The following RPS6KC1 variants were observed in gnomAD, a reference collection of about 807,000 sequenced individuals.
RPS6KC1 encodes inactive ribosomal protein S6 kinase delta-1.
In RPS6KC1, 54 loss-of-function variants were observed where a neutral mutation model predicts 103.8. The observed-to-expected ratio is 0.52, with a 90% confidence interval of 0.42 to 0.65. RPS6KC1 has a LOEUF of 0.65. Ranked by LOEUF, RPS6KC1 falls within the 30% of genes least tolerant of loss-of-function variation. The pLI is 0.00. For missense variants in RPS6KC1, 1,151 were observed against 1,253.8 expected (o/e 0.92, Z 1.24); for synonymous variants, 439 against 438.7 (o/e 1.00, Z -0.01).
the RPS6KC1 span, among the ~76,000 whole-genome samples, chr1:213,420,465 G>A: frequency 3.9e-5 from 6 of 152,198 alleles, no homozygotes; most frequent in Admixed American, 6.5e-5. Flanking sequence ...CGGCCCTGAA[G>A]CTCCAACAAT....
At chr1:213,544,690 G>A in the RPS6KC1 span, among the ~76,000 whole-genome samples, 1 of 152,174 alleles carries the variant, frequency 6.6e-6, no homozygotes, top group Non-Finnish European at 1.5e-5. Flanking sequence ...TCTCATGGTG[G>A]CCCTTTCCTC....
the RPS6KC1 span, among the ~76,000 whole-genome samples, chr1:213,805,555 G>A: frequency 1.3e-5 from 2 of 152,108 alleles, no homozygotes; most frequent in African/African-American, 4.8e-5. Flanking sequence ...CCCATCTTCA[G>A]GTTCCACTTC....
At chr1:213,618,447 C>A in the RPS6KC1 span, among the ~76,000 whole-genome samples, 13 of 152,140 alleles carry the variant, frequency 8.5e-5, no homozygotes, top group Admixed American at 7.9e-4. Flanking sequence ...TACTTACTGA[C>A]CCTGTGACTT....
chr1:213,069,448 T>C (rs2078667756), intron 1 of RPS6KC1, among the ~76,000 whole-genome samples: 1 of 152,224 alleles, frequency 6.6e-6, no homozygotes, highest in Admixed American at 6.5e-5. Context: ...GCCAGGCAGT[T>C]AGTATTATCT....
Position 213,129,901 on chromosome 1 carries a change from T to G in RPS6KC1, c.835+12T>G. 2 of 1,563,438 alleles carry G rather than the reference T, an allele frequency of 1.3e-6. No individual in the cohort carries two copies. Among genetic ancestry groups the G allele is most frequent in the Non-Finnish European group, 1.7e-6 (2 of 1,164,432 alleles). ...AGAAGGTGTTCAAGGTATGGTTTTA[T>G]GTATATTATGTTTTGGCATGCTCTT... On this transcript the variant is annotated intron_variant, in intron 6 of 14. Coordinates refer to ENST00000366960, the MANE Select transcript of RPS6KC1 (RefSeq NM_012424.6).
the RPS6KC1 span, among the ~76,000 whole-genome samples, chr1:213,595,184 GCCA>G: frequency 6.6e-6 from 1 of 152,088 alleles, no homozygotes; most frequent in Non-Finnish European, 1.5e-5. Flanking sequence ...CAAGGTAAAC[GCCA>G]CCATTATCTG....
chr1:213,744,124 G>C, the RPS6KC1 span, among the ~76,000 whole-genome samples: 1 of 149,682 alleles, frequency 6.7e-6, no homozygotes, highest in Non-Finnish European at 1.5e-5. Context: ...TTGGGGACTT[G>C]GGGGGAAAGG....
At chr1:213,768,909 A>G in the RPS6KC1 span, among the ~76,000 whole-genome samples, 2 of 152,216 alleles carry the variant, frequency 1.3e-5, no homozygotes, top group African/African-American at 4.8e-5. Flanking sequence ...CTTTAAAAGC[A>G]CAGACATGAA....
chr1:213,285,219 A>C, the RPS6KC1 span, among the ~76,000 whole-genome samples: 3 of 152,312 alleles, frequency 2.0e-5, no homozygotes, highest in South Asian at 2.1e-4. Flanking sequence ...AGGGGAGAGC[A>C]GAGAGAGGAA....
At chr1:213,508,750 G>T in the RPS6KC1 span, among the ~76,000 whole-genome samples, 2 of 152,166 alleles carry the variant, frequency 1.3e-5, no homozygotes, top group Admixed American at 6.5e-5. Flanking sequence ...ACACCACCAG[G>T]GTTTTCATGT....
At chr1:213,569,106 A>G in the RPS6KC1 span, among the ~76,000 whole-genome samples, 1 of 152,122 alleles carries the variant, frequency 6.6e-6, no homozygotes, top group Non-Finnish European at 1.5e-5. Flanking sequence ...GCTTGGGGAT[A>G]AAGTTTTCAC....
At chr1:213,585,877 G>A in the RPS6KC1 span, among the ~76,000 whole-genome samples, 1 of 152,158 alleles carries the variant, frequency 6.6e-6, no homozygotes, top group Non-Finnish European at 1.5e-5. Flanking sequence ...CTTCAGATAA[G>A]GGCCCAGGAG....
chr1:213,801,059 AG>A, the RPS6KC1 span, among the ~76,000 whole-genome samples: 1 of 152,170 alleles, frequency 6.6e-6, no homozygotes. Flanking sequence ...CCTTGTCCTG[AG>A]GAGCTAAGGT....
chr1:213,544,208 G>C, the RPS6KC1 span, among the ~76,000 whole-genome samples: 3 of 152,178 alleles, frequency 2.0e-5, no homozygotes, highest in African/African-American at 7.2e-5. Context: ...CAGAAGGGAA[G>C]CCTGCAGAAA....
At chr1:213,646,020 A>C in the RPS6KC1 span, among the ~76,000 whole-genome samples, 1 of 152,238 alleles carries the variant, frequency 6.6e-6, no homozygotes, top group African/African-American at 2.4e-5. Context: ...CAGCATTTGC[A>C]GCTGAAGTTT....
At chr1:213,489,413 T>A in the RPS6KC1 span, among the ~76,000 whole-genome samples, 22 of 152,174 alleles carry the variant, frequency 1.4e-4, no homozygotes, top group African/African-American at 5.3e-4. Flanking sequence ...TTAGGAATCA[T>A]GCAAGCTGGG....
chr1:213,108,995 C>G (rs2082754214), intron 4 of RPS6KC1, among the ~76,000 whole-genome samples: 2 of 152,014 alleles, frequency 1.3e-5, no homozygotes, highest in Non-Finnish European at 2.9e-5. Context: ...TTGATGCTCT[C>G]CCAACTGAGT....
chr1:213,693,163 A>G, the RPS6KC1 span, among the ~76,000 whole-genome samples: 1 of 152,146 alleles, frequency 6.6e-6, no homozygotes, highest in Non-Finnish European at 1.5e-5. Context: ...ATCTATTCTC[A>G]GCAGCCTTCA....
At chr1:213,370,097 C>G in the RPS6KC1 span, among the ~76,000 whole-genome samples, 1 of 152,096 alleles carries the variant, frequency 6.6e-6, no homozygotes, top group Non-Finnish European at 1.5e-5. Context: ...TTCTAACCTC[C>G]AGGGCCAAGA....
Sources: gnomAD v4.1 joint callset for allele counts (sites outside exome capture counted in the v4.1 genomes callset) on GRCh38, gnomAD v4.1.1 for gene constraint, MANE v1.5 for transcripts, NCBI Gene and HGNC (gene_info 2026-07-23, HGNC 2026-07-21) for gene names.